Variants in CHTOP observed in about 807,000 individuals in gnomAD.
CHTOP encodes chromatin target of PRMT1.
Under a neutral mutation model 33.6 loss-of-function variants are expected in CHTOP, and 18 were observed. That is an observed-to-expected ratio of 0.54 (90% CI 0.37 to 0.80). CHTOP has a LOEUF of 0.80. Ranked by LOEUF, CHTOP falls within the 30% of genes least tolerant of loss-of-function variation. The pLI is 0.00. For synonymous variants in CHTOP, 117 were observed against 127.7 expected, an observed-to-expected ratio of 0.92 and a Z score of 0.56; for missense variants, 263 against 336.8, an observed-to-expected ratio of 0.78 and a Z score of 1.71.
Position 153,642,293 on chromosome 1 carries a change from C to G in CHTOP, c.267C>G (p.Gly89=), listed in dbSNP as rs376066524. ...LGKSNIQARL[G]RPIGALARGA... is the part of the protein sequence containing the mutation. ...AGAGTAACATCCAGGCACGGTTAGG[C>G]CGACCCATAGGGGCCCTGGCCAGGG... is the stretch of plus-strand genomic sequence containing the variant. Residue 89 remains glycine (G), a synonymous_variant, in exon 4 of 6, where the codon GGC becomes GGG. Coordinates refer to ENST00000368694, the MANE Select transcript of CHTOP (RefSeq NM_015607.4). 1 of 1,613,942 alleles carries G rather than the reference C, an allele frequency of 6.2e-7. No individual in the cohort carries two copies. The highest frequency in any genetic ancestry group is 8.5e-7 in the Non-Finnish European group (1 of 1,179,982).
At chr1:153,641,000 C>T (rs896796489) in intron 3 of CHTOP, among the ~76,000 whole-genome samples, 3 of 152,138 alleles carry the variant, frequency 2.0e-5, no homozygotes, top group Non-Finnish European at 2.9e-5. Context: ...GATAACTGAA[C>T]GCAAGAGACT....
chr1:153,642,530 T>A, intron 4 of CHTOP, 101 bp downstream of exon 4: 1 of 889,406 alleles, frequency 1.1e-6, no homozygotes, highest in Non-Finnish European at 1.7e-6. Flanking sequence ...AGCCTGAATT[T>A]GTATTAATAT....
Position 153,636,790 on chromosome 1 carries a change from A to G in CHTOP, c.65+137A>G, listed in dbSNP as rs778595314. The G allele has an allele frequency of 1.6e-3, 1,054 of 675,756 alleles. 24 individuals carry two copies. Among genetic ancestry groups the G allele is most frequent in the Non-Finnish European group, 3.3e-4 (127 of 390,728 alleles). 41.9% of individuals were successfully genotyped at this position (675,756 alleles called of 1,614,324 possible). A position where few individuals can be genotyped will look rare whatever the true frequency, so the allele number is the denominator to read the frequency against. On this transcript the variant is annotated intron_variant, in intron 2 of 5. Transcript: ENST00000368694. ...AGACCTCTGTTCTTAGTTGCATCTC[A>G]TGTGGTACACAAAACAAATTGGGCG...
intron 5 of CHTOP, chr1:153,644,005 T>C (rs559789748): frequency 3.0e-4 from 46 of 152,086 alleles, no homozygotes; most frequent in Admixed American, 2.8e-3. Flanking sequence ...TGGGAAAGAG[T>C]TTAATGATGT....
chr1:153,644,352 G>C (rs1343124787), intron 5 of CHTOP: 1 of 152,176 alleles, frequency 6.6e-6, no homozygotes, highest in Non-Finnish European at 1.5e-5. Context: ...CACGAGGGTG[G>C]GAGAGACTAA....
At position 153,638,361 on chromosome 1, in the gene CHTOP, A is replaced by G. The variant is rs754208878; in HGVS notation, c.132A>G (p.Gln44=). 7.4e-6 allele frequency: 12 copies of G among 1,613,990 alleles called. No individual in the cohort carries two copies. Among genetic ancestry groups the G allele is most frequent in the Non-Finnish European group, 9.3e-6 (11 of 1,179,930 alleles). ...PVNIRASMQQ[Q]QQLASARNRR... ...ATATTCGGGCTTCGATGCAGCAACA[A>G]CAGCAGCTAGCCAGTGCCAGAAACA... is the stretch of plus-strand genomic sequence containing the variant. Residue 44 remains glutamine (Q), a synonymous_variant, in exon 3 of 6, where the codon CAA becomes CAG. Coordinates refer to ENST00000368694, the MANE Select transcript of CHTOP (RefSeq NM_015607.4).
At chr1:153,642,695 C>G (rs925203517) in intron 4 of CHTOP, 3 of 298,722 alleles carry the variant, frequency 1.0e-5, no homozygotes, top group African/African-American at 2.2e-5. Flanking sequence ...CCTGCTGTTG[C>G]TTGAATCAAA....
chr1:153,638,211 T>A, intron 2 of CHTOP, 84 bp from the exon 3 acceptor site: 1 of 1,472,528 alleles, frequency 6.8e-7, no homozygotes, highest in Non-Finnish European at 9.4e-7. Flanking sequence ...GATCTGGAGC[T>A]CCTGGTCTAG....
In CHTOP at chr1:153,638,324, C is replaced by G. The variant is rs769430094; in HGVS notation, c.95C>G (p.Pro32Arg). The G allele has an allele frequency of 6.2e-7, 1 of 1,614,180 alleles. No homozygotes were observed. The highest frequency in any genetic ancestry group is 1.7e-5 in the Admixed American group (1 of 60,012). Residue 32 changes from proline to arginine, a missense_variant, in exon 3 of 6, where the codon CCG becomes CGG. By Grantham distance (103) the Pro-to-Arg change is moderately radical (BLOSUM62 -2). This residue lies in a region of CHTOP where 73 missense variants were observed against 108.9 expected (regional missense o/e 0.67). Transcript: ENST00000368694. ...RFTNMLKNKQPTPVNIRASMQ... is the reference protein window; with the variant it reads ...RFTNMLKNKQRTPVNIRASMQ... ...ACTAATATGCTGAAGAACAAACAGC[C>G]GACGCCAGTGAATATTCGGGCTTCG...
intron 1 of CHTOP, among the ~76,000 whole-genome samples, chr1:153,635,818 T>C (rs1668364040): frequency 6.7e-6 from 1 of 150,032 alleles, no homozygotes; most frequent in East Asian, 2.0e-4. Context: ...CCAGACTCTG[T>C]CTCAAAAAAA....
At chr1:153,643,461 G>T in intron 5 of CHTOP, 97 bp downstream of exon 5, 3 of 1,248,194 alleles carry the variant, frequency 2.4e-6, no homozygotes, top group Non-Finnish European at 3.2e-6. Flanking sequence ...TCATAGGCAG[G>T]CTTCTTTGTT....
rs113458750 is a variant in CHTOP at position 153,635,581 on chromosome 1, G to C, written c.-17-991G>C. 2.7e-3 allele frequency among the ~76,000 whole-genome samples: 406 copies of C among 152,092 alleles called. 1 individual carries two copies. The highest frequency in any genetic ancestry group is 9.4e-3 in the African/African-American group (391 of 41,546). Reference sequence around the variant, plus strand: ...CACGCCTGTAATCCCAGCACTTTGGGAGGCCCAGGTGGGTGGATCAGGTGA... The same window carrying C: ...CACGCCTGTAATCCCAGCACTTTGGCAGGCCCAGGTGGGTGGATCAGGTGA... On this transcript the variant is annotated intron_variant, in intron 1 of 5. Transcript: ENST00000368694.
chr1:153,642,306 G>T lies in CHTOP; in HGVS notation c.280G>T (p.Ala94Ser), dbSNP rs745605535. 2 of 1,614,194 alleles carry T rather than the reference G, an allele frequency of 1.2e-6. No individual in the cohort carries two copies. The highest frequency in any genetic ancestry group is 1.7e-5 in the Admixed American group (1 of 60,020). ...IQARLGRPIG[A>S]LARGAIGGRG... Reference sequence around the variant, plus strand: ...GGCACGGTTAGGCCGACCCATAGGGGCCCTGGCCAGGGGAGCAATCGGAGG... The same window carrying T: ...GGCACGGTTAGGCCGACCCATAGGGTCCCTGGCCAGGGGAGCAATCGGAGG... The change falls in exon 4 of 6, where the codon GCC becomes TCC. Residue 94 changes from alanine to serine, a missense_variant. Physicochemically the swap from Ala to Ser is moderately conservative, Grantham distance 99 (BLOSUM62 1). Around this residue, in one of 3 missense-constraint regions of CHTOP, gnomAD observed 168 missense variants for 179.9 expected, o/e 0.93. Coordinates refer to ENST00000368694, the MANE Select transcript of CHTOP (RefSeq NM_015607.4).
chr1:153,642,673 AT>A, intron 4 of CHTOP: 1 of 335,476 alleles, frequency 3.0e-6, no homozygotes, highest in Non-Finnish European at 5.4e-6. Flanking sequence ...TCTCCATTCC[AT>A]TTTAAAACAC....
chr1:153,634,952 C>T (rs2101675297), intron 1 of CHTOP, among the ~76,000 whole-genome samples: 1 of 152,004 alleles, frequency 6.6e-6, no homozygotes, highest in South Asian at 2.1e-4. Flanking sequence ...CTCCCGGGTT[C>T]AAGCGATTCT....
chr1:153,634,431 T>C (rs902496376), intron 1 of CHTOP, 88 bp downstream of exon 1: 1 of 152,662 alleles, frequency 6.6e-6, no homozygotes, highest in Admixed American at 6.6e-5. Flanking sequence ...GGTGGTGGCA[T>C]GTGGACATAG....
Position 153,642,226 on chromosome 1 carries a change from A to G in CHTOP, c.220-20A>G. On this transcript the variant is annotated intron_variant, in intron 3 of 5. Transcript: ENST00000368694. ...ATTGCTTTTTTGATCTCAATCCCCT[A>G]ACACCTTTTCTTCCAGAAGAGCTTA... 6.3e-7 allele frequency: 1 copy of G among 1,593,690 alleles called. No homozygotes were observed. The highest frequency in any genetic ancestry group is 8.6e-7 in the Non-Finnish European group (1 of 1,167,314).
intron 5 of CHTOP, chr1:153,643,708 A>G (rs1557941841): frequency 5.9e-6 from 1 of 169,666 alleles, no homozygotes; most frequent in African/African-American, 2.4e-5. Flanking sequence ...ACCACATACC[A>G]CCCTGTAGCT....
rs149961938 is a variant in CHTOP, at chr1:153,644,818, T to C, written c.542-246T>C. ...TAGTTGCCAGTTAATTATTTTCCTT[T>C]ATTGATAGAATAAAATTTGTTAAAA... is the stretch of plus-strand genomic sequence containing the variant. On this transcript the variant is annotated intron_variant, in intron 5 of 5. Coordinates refer to ENST00000368694, the MANE Select transcript of CHTOP (RefSeq NM_015607.4). Among the ~76,000 whole-genome samples, 293 of 152,360 alleles carry C rather than the reference T, an allele frequency of 1.9e-3. 3 individuals are homozygous for C. Among genetic ancestry groups the C allele is most frequent in the African/African-American group, 6.9e-3 (285 of 41,590 alleles).
Sources: allele counts gnomAD v4.1 joint callset (sites outside exome capture counted in the v4.1 genomes callset), GRCh38; gene constraint gnomAD v4.1.1; regional missense constraint gnomAD v4.1.1; transcripts MANE v1.5; gene names NCBI Gene and HGNC (gene_info 2026-07-23, HGNC 2026-07-21).